Variants in SNRPN observed in about 807,000 individuals in gnomAD.
SNRPN encodes the protein small nuclear ribonucleoprotein polypeptide N, also known as small nuclear ribonucleoprotein-associated protein N.
Under a neutral mutation model 25.2 loss-of-function variants are expected in SNRPN, and 7 were observed. The observed-to-expected ratio is 0.28, with a 90% CI of 0.16 to 0.52. The LOEUF (loss-of-function observed/expected upper bound fraction) is 0.52, where lower values mean the gene tolerates loss of function less well. SNRPN is among the 20% of genes least tolerant of loss of function. The pLI, the probability that SNRPN is intolerant of heterozygous loss-of-function variation, is 0.96. For missense variants in SNRPN, 196 were observed against 322.5 expected (o/e 0.61, Z 3.00); for synonymous variants, 124 against 110.6 (o/e 1.12, Z -0.76).
At chr15:24,880,676 A>G (rs765986195) in intron 1 of SNRPN, among the ~76,000 whole-genome samples, 3 of 152,074 alleles carry the variant, frequency 2.0e-5, no homozygotes, top group Non-Finnish European at 4.4e-5. Flanking sequence ...AAAAAAATTA[A>G]TATGTGCTCA....
intron 2 of SNRPN, chr15:24,912,389 G>A (rs1345434548): frequency 2.0e-5 from 3 of 152,112 alleles, no homozygotes; most frequent in Admixed American, 6.6e-5. Context: ...CCATTGTCTC[G>A]GGATTAATTG....
chr15:24,853,495 G>A (rs543679196), upstream of SNRPN, among the ~76,000 whole-genome samples: 7 of 151,638 alleles, frequency 4.6e-5, no homozygotes, highest in Non-Finnish European at 7.4e-5. Context: ...CCAGGTTCAC[G>A]CCATTCTCCT....
At chr15:24,873,478 C>T (rs1471701351) in intron 1 of SNRPN, among the ~76,000 whole-genome samples, 12 of 132,350 alleles carry the variant, frequency 9.1e-5, no homozygotes, top group Admixed American at 2.5e-4. Flanking sequence ...GACAAAGTCT[C>T]GCTCTGTTGC....
intron 2 of SNRPN, chr15:24,849,089 C>G (rs1177819878): frequency 6.6e-6 from 1 of 152,130 alleles, no homozygotes; most frequent in Non-Finnish European, 1.5e-5. Flanking sequence ...CATGCCACCA[C>G]GCCCAGCTAA....
intron 2 of SNRPN, among the ~76,000 whole-genome samples, chr15:24,847,080 AAGTC>A: frequency 6.6e-6 from 1 of 152,280 alleles, no homozygotes; most frequent in African/African-American, 2.4e-5. Flanking sequence ...GAAAGATACA[AAGTC>A]AGAAAAGAAA....
intron 1 of SNRPN, among the ~76,000 whole-genome samples, chr15:24,882,823 C>CAAAAAAAAAAAA (rs10543501): frequency 1.6e-5 from 2 of 127,110 alleles, no homozygotes; most frequent in African/African-American, 6.1e-5. Flanking sequence ...GACTCCATCT[C>CAAAAAAAAAAAA]AAAAAAAAAA....
intron 2 of SNRPN, 26 bp from the exon 3 acceptor site, chr15:24,967,906 T>TTA: frequency 6.3e-7 from 1 of 1,583,166 alleles, no homozygotes; most frequent in Non-Finnish European, 8.7e-7. Flanking sequence ...TTTTTATCAT[T>TTA]TATATATATT....
In SNRPN at chr15:24,943,422, T is replaced by C. The variant is rs76083905; in HGVS notation, c.-390-18692T>C. On this transcript the variant is annotated intron_variant, in intron 3 of 11. Transcript: ENST00000400097. ...ATTGAAGGGAACCCCCCATGAGCCA[T>C]AGGTGCAGCTGGGATAGAGAAAGCA... Among the ~76,000 whole-genome samples, 775 of 152,180 alleles carry C rather than the reference T, an allele frequency of 5.1e-3. 5 individuals carry two copies. The highest frequency in any genetic ancestry group is 0.018 in the African/African-American group (733 of 41,538).
intron 3 of SNRPN, among the ~76,000 whole-genome samples, chr15:24,970,916 C>T (rs534457968): frequency 7.5e-4 from 114 of 151,958 alleles, no homozygotes; most frequent in African/African-American, 2.7e-3. Context: ...TTTCTTTTGT[C>T]ACTTGTTTTT....
rs948123914 is a variant in SNRPN at position 24,936,080 on chromosome 15, A to G, written c.-391+15956A>G. Among the ~76,000 whole-genome samples the G allele has an allele frequency of 5.3e-5, 8 of 150,906 alleles. No homozygotes were observed. The South Asian group carries it at 6.3e-4, about 12-fold the overall frequency. ...TGGTAAGCCGAGATCATGCCACTGCACTCCCGCCTGGGCAACAGAGCAAGA... is the reference window on the plus strand; with the variant it reads ...TGGTAAGCCGAGATCATGCCACTGCGCTCCCGCCTGGGCAACAGAGCAAGA... On this transcript the variant is annotated intron_variant, in intron 3 of 11. Coordinates refer to the SNRPN transcript ENST00000400097.
intron 8 of SNRPN, 136 bp downstream of exon 8, chr15:24,978,052 CAT>C: frequency 3.4e-6 from 4 of 1,185,480 alleles, no homozygotes; most frequent in Non-Finnish European, 2.4e-6. Context: ...TAATGAAAGA[CAT>C]AGAAGAGTAA....
chr15:24,965,747 GAATTA>G (rs1349955831), intron 2 of SNRPN, among the ~76,000 whole-genome samples: 4 of 152,198 alleles, frequency 2.6e-5, no homozygotes, highest in African/African-American at 9.6e-5. Flanking sequence ...TGCACTCTAT[GAATTA>G]AATTCTGTGT....
chr15:24,826,768 A>G (rs1465642990), intron 1 of SNRPN, among the ~76,000 whole-genome samples: 3 of 152,240 alleles, frequency 2.0e-5, no homozygotes, highest in African/African-American at 4.8e-5. Flanking sequence ...TTTAAGGTGG[A>G]TCTAAAAGAA....
At chr15:24,836,464 T>G (rs2051195397) in intron 2 of SNRPN, among the ~76,000 whole-genome samples, 1 of 151,798 alleles carries the variant, frequency 6.6e-6, no homozygotes, top group Non-Finnish European at 1.5e-5. Flanking sequence ...CAGGCTGGAG[T>G]GCAGTGGTGT....
chr15:24,973,484 G>A (rs1265392990), intron 3 of SNRPN, among the ~76,000 whole-genome samples: 1 of 152,048 alleles, frequency 6.6e-6, no homozygotes, highest in East Asian at 1.9e-4. Context: ...TGCAACCTCT[G>A]CCTCCCAGGT....
chr15:24,856,506 C>G (rs2053403347), upstream of SNRPN: 1 of 152,284 alleles, frequency 6.6e-6, no homozygotes, highest in Non-Finnish European at 1.5e-5. Flanking sequence ...ATGCGGTCGT[C>G]CTGCTGCAGA....
chr15:24,938,184 C>G (rs1349455766), intron 3 of SNRPN, among the ~76,000 whole-genome samples: 1 of 150,346 alleles, frequency 6.7e-6, no homozygotes, highest in African/African-American at 2.5e-5. Context: ...GCCATGATCT[C>G]GGCTCACTGC....
At chr15:24,927,758 CATA>C (rs2060518654) in intron 3 of SNRPN, among the ~76,000 whole-genome samples, 1 of 151,896 alleles carries the variant, frequency 6.6e-6, no homozygotes. Flanking sequence ...ATCAGTCTGC[CATA>C]ATGTTTAATA....
chr15:24,890,102 T>C (rs2057551497), intron 2 of SNRPN, among the ~76,000 whole-genome samples: 1 of 147,278 alleles, frequency 6.8e-6, no homozygotes, highest in Non-Finnish European at 1.5e-5. Flanking sequence ...GCATACTGAG[T>C]ATTTTAAGCT....
Sources: gnomAD v4.1 joint callset for allele counts (sites outside exome capture counted in the v4.1 genomes callset) on GRCh38, gnomAD v4.1.1 for gene constraint, MANE v1.5 for transcripts, NCBI Gene and HGNC (gene_info 2026-07-23, HGNC 2026-07-21) for gene names.